The following PTPRS variants were observed in gnomAD, a reference collection of about 807,000 sequenced individuals.
The protein encoded by PTPRS is protein tyrosine phosphatase receptor type S, also known as receptor-type tyrosine-protein phosphatase S.
Under a neutral mutation model 215.3 loss-of-function variants are expected in PTPRS, and 63 were observed. That is an observed-to-expected ratio of 0.29 (90% CI 0.24 to 0.36). The LOEUF (loss-of-function observed/expected upper bound fraction) is 0.36. PTPRS is among the 10% of genes least tolerant of loss of function. PTPRS has a pLI of 1.00. For missense variants in PTPRS, 2,258 were observed against 2,825.8 expected (o/e 0.80, Z 4.56); for synonymous variants, 1,404 against 1,191.4 (o/e 1.18, Z -3.68).
rs1039179101 is a variant in PTPRS at position 5,339,774 on chromosome 19, CGGG to C, written c.-95+887_-95+889del. On this transcript the variant is annotated intron_variant, in intron 1 of 37. Coordinates refer to ENST00000262963, the MANE Select transcript of PTPRS (RefSeq NM_002850.4). This position sits in a 1 kb window ranked among gnomAD's most constrained non-coding sequence, Gnocchi z 4.2. ...TCACCTCCCCTCCCCCCGCAGCCCC[CGGG>C]GGCTCCCGGGGCGTGCGGAACCCGC... Among the ~76,000 whole-genome samples, 1 of 151,656 alleles carries C rather than the reference CGGG, an allele frequency of 6.6e-6. No individual in the cohort carries two copies. The highest frequency in any genetic ancestry group is 2.4e-5 in the African/African-American group (1 of 41,338).
chr19:5,223,357 A>C, intron 17 of PTPRS, 60 bp from the exon 18 acceptor site: 1 of 1,397,158 alleles, frequency 7.2e-7, no homozygotes, highest in East Asian at 2.8e-5. Flanking sequence ...CAGAGGCACA[A>C]GGTGGGGTTG....
chr19:5,244,034 G>A lies in PTPRS; in HGVS notation c.1437C>T (p.Asn479=), dbSNP rs1002891578. 5 of 1,609,514 alleles carry A rather than the reference G, an allele frequency of 3.1e-6. No individual in the cohort carries two copies. The highest frequency in any genetic ancestry group is 2.5e-6 in the Non-Finnish European group (3 of 1,179,928). Reference sequence around the variant, plus strand: ...CGGTGGTCAGCAGGCTGTCGTCCACGTTGTGCTTCTGCCAGTTGCCCACGG... The same window carrying A: ...CGGTGGTCAGCAGGCTGTCGTCCACATTGTGCTTCTGCCAGTTGCCCACGG... The part of the protein sequence containing the change: ...EHPVGNWQKH[N]VDDSLLTTVG... The change falls in exon 11 of 38, where the codon AAC becomes AAT. Residue 479 remains asparagine, a synonymous_variant. Transcript: ENST00000262963. The surrounding 1 kb of genome is among the most constrained non-coding windows in gnomAD (Gnocchi z 7.2).
At chr19:5,213,868 T>C (rs1043281660) in intron 30 of PTPRS, among the ~76,000 whole-genome samples, 6 of 152,032 alleles carry the variant, frequency 3.9e-5, no homozygotes, top group Admixed American at 2.0e-4. Flanking sequence ...GAACCACAGA[T>C]GGAGAAAAAC....
chr19:5,283,765 C>G (rs2048081450), intron 2 of PTPRS, among the ~76,000 whole-genome samples: 1 of 152,116 alleles, frequency 6.6e-6, no homozygotes, highest in African/African-American at 2.4e-5. Flanking sequence ...TGGGACCAGG[C>G]AGCTCAGGTT....
Position 5,257,280 on chromosome 19 carries a change from G to A in PTPRS, c.706+737C>T, listed in dbSNP as rs1008735027. ...GGAGGTGCTGGGGCGAGGCCCCCAC[G>A]CTGCTGGGCATGACTGAGTGGGAAT... On this transcript the variant is annotated intron_variant, in intron 8 of 37. Transcript: ENST00000262963. This position sits in a 1 kb window ranked among gnomAD's most constrained non-coding sequence, Gnocchi z 4.4. The A allele has an allele frequency of 4.0e-5, 15 of 370,938 alleles. No individual in the cohort carries two copies. The highest frequency in any genetic ancestry group is 7.2e-5 in the Non-Finnish European group (13 of 180,742). 23.0% of individuals were successfully genotyped at this position (370,938 alleles called of 1,614,324 possible). A position where few individuals can be genotyped will look rare whatever the true frequency, so the allele number is the denominator to read the frequency against.
chr19:5,280,758 C>A (rs1380298757), intron 2 of PTPRS, among the ~76,000 whole-genome samples: 1 of 151,330 alleles, frequency 6.6e-6, no homozygotes, highest in South Asian at 2.1e-4. Flanking sequence ...CTAGACCCAC[C>A]ATGTACAGGA....
In PTPRS at chr19:5,220,124, G is replaced by A. The variant is rs1269111261; in HGVS notation, c.3580C>T (p.Arg1194Cys). 1.9e-6 allele frequency: 3 copies of A among 1,612,552 alleles called. No homozygotes were observed. The highest frequency in any genetic ancestry group is 2.5e-6 in the Non-Finnish European group (3 of 1,179,632). The part of the protein sequence containing the change: ...LIQDISRLQR[R>C]SLRHSRQLEV... ...AGCTGACGCGAGTGCCGCAGGCTGC[G>A]CCTCTGTAGCCGTGAGATGTCCTGG... Residue 1194 changes from arginine to cysteine, a missense_variant, in exon 22 of 38, where the codon CGC (arginine) becomes TGC (cysteine). Transcript: ENST00000262963.
At chr19:5,256,571 C>T (rs1250364812) in intron 8 of PTPRS, among the ~76,000 whole-genome samples, 4 of 152,176 alleles carry the variant, frequency 2.6e-5, no homozygotes, top group African/African-American at 7.2e-5. Flanking sequence ...GCTGTCCACA[C>T]TCTTTTGAGC....
chr19:5,310,900 T>G (rs1483504248), intron 1 of PTPRS, among the ~76,000 whole-genome samples: 1 of 152,100 alleles, frequency 6.6e-6, no homozygotes, highest in Non-Finnish European at 1.5e-5. Context: ...ATTATTATTA[T>G]TATGAAACCA....
rs1468537510 is a variant in PTPRS at position 5,240,214 on chromosome 19, G to A, written c.1689C>T (p.Gly563=). The change falls in exon 12 of 38, where the codon GGC becomes GGT. Residue 563 remains glycine, a synonymous_variant. Coordinates refer to ENST00000262963, the MANE Select transcript of PTPRS (RefSeq NM_002850.4). ...IIKYELLFRE[G]DHGREVGRTF... is the part of the protein sequence containing the mutation. ...GCTGCCTCACCTCCCGGCCATGGTCGCCTTCCCGGAAGAGGAGCTCGTACT... is the reference window on the plus strand; with the variant it reads ...GCTGCCTCACCTCCCGGCCATGGTCACCTTCCCGGAAGAGGAGCTCGTACT... 7 of 1,547,748 alleles carry A rather than the reference G, an allele frequency of 4.5e-6. No homozygotes were observed. The East Asian group carries it at 1.7e-4, about 38-fold the overall frequency.
At chr19:5,238,290 C>A (rs908269333) in intron 13 of PTPRS, among the ~76,000 whole-genome samples, 9 of 152,088 alleles carry the variant, frequency 5.9e-5, no homozygotes, top group East Asian at 1.9e-4. Flanking sequence ...GAGGCCGGGC[C>A]GGCACAGCAG....
intron 4 of PTPRS, among the ~76,000 whole-genome samples, chr19:5,269,308 A>C (rs1447400875): frequency 6.6e-6 from 1 of 152,004 alleles, no homozygotes; most frequent in Non-Finnish European, 1.5e-5. Context: ...GCCTGACGCT[A>C]CCGAGAACAC....
Position 5,240,058 on chromosome 19 carries a change from G to A in PTPRS, c.1704+141C>T, listed in dbSNP as rs2043890671. On this transcript the variant is annotated intron_variant, in intron 12 of 37. Coordinates refer to ENST00000262963, the MANE Select transcript of PTPRS (RefSeq NM_002850.4). Reference sequence around the variant, plus strand: ...AGGAAAGGCACAAAGGGACAGAGACGCAGGAGAAGCAGAAGGGGTGAGGAA... The same window carrying A: ...AGGAAAGGCACAAAGGGACAGAGACACAGGAGAAGCAGAAGGGGTGAGGAA... 1.5e-5 allele frequency: 15 copies of A among 1,016,628 alleles called. No homozygotes were observed. The East Asian group carries it at 1.5e-4, about 10-fold the overall frequency. 63.0% of individuals were successfully genotyped at this position (1,016,628 alleles called of 1,614,324 possible).
rs781730425 is a variant in PTPRS at position 5,274,256 on chromosome 19, G to A, written c.180C>T (p.Pro60=). Residue 60 remains proline, a synonymous_variant, in exon 3 of 38, where the codon CCC becomes CCT. Transcript: ENST00000262963. ...TCTTGTTCCAGGTCACTCGTGGCTT[G>A]GGGTCACCCGTGGCCTGACACACGA... ...ASFVCQATGD[P]KPRVTWNKKG... The A allele has an allele frequency of 6.2e-7, 1 of 1,613,816 alleles. No individual in the cohort carries two copies. The highest frequency in any genetic ancestry group is 2.2e-5 in the East Asian group (1 of 44,872).
At chr19:5,301,273 G>A (rs2049295203) in intron 1 of PTPRS, among the ~76,000 whole-genome samples, 1 of 123,488 alleles carries the variant, frequency 8.1e-6, no homozygotes, top group Admixed American at 8.2e-5. Flanking sequence ...CTGCCAGGCC[G>A]TCTCCCACCT....
At chr19:5,242,514 T>G (rs2044128503) in intron 11 of PTPRS, among the ~76,000 whole-genome samples, 1 of 151,210 alleles carries the variant, frequency 6.6e-6, no homozygotes, top group Non-Finnish European at 1.5e-5. Context: ...ACTACAGGCG[T>G]GTGCCACCAC....
At chr19:5,288,480 G>A (rs749712744) in intron 1 of PTPRS, among the ~76,000 whole-genome samples, 5 of 152,202 alleles carry the variant, frequency 3.3e-5, no homozygotes, top group Non-Finnish European at 7.3e-5. Flanking sequence ...CCCTGCCCTA[G>A]CCCTTTAAGA....
intron 5 of PTPRS, among the ~76,000 whole-genome samples, chr19:5,263,499 GC>G (rs1334787519): frequency 6.6e-6 from 1 of 152,164 alleles, no homozygotes; most frequent in East Asian, 1.9e-4. Context: ...TGCAAAGGGG[GC>G]TCCGTGGCGG....
chr19:5,239,115 GAC>G (rs2043753433), intron 12 of PTPRS, 52 bp from the exon 13 acceptor site: 3 of 1,372,652 alleles, frequency 2.2e-6, no homozygotes, highest in South Asian at 2.5e-5. Flanking sequence ...GAGAGAGAGA[GAC>G]AGAAACAAAG....
Sources: allele counts gnomAD v4.1 joint callset (sites outside exome capture counted in the v4.1 genomes callset), GRCh38; gene constraint gnomAD v4.1.1; non-coding constraint Gnocchi (gnomAD v3.1); transcripts MANE v1.5; gene names NCBI Gene and HGNC (gene_info 2026-07-23, HGNC 2026-07-21).